KCNIP4: variants seen among roughly 807,000 people sequenced by gnomAD.
KCNIP4 encodes the protein Kv channel-interacting protein 4.
KCNIP4 carries 12 observed loss-of-function variants against 34.0 expected under a neutral mutation model. The observed-to-expected ratio is 0.35, with a 90% CI of 0.23 to 0.57. KCNIP4 has a LOEUF of 0.57. Among genes scored for constraint, KCNIP4 ranks in the 20% least tolerant of loss-of-function variants. KCNIP4 has a pLI of 0.83. For synonymous variants in KCNIP4, 124 were observed against 102.2 expected (o/e 1.21, Z -1.29); for missense variants, 238 against 311.7 (o/e 0.76, Z 1.78).
intron 3 of KCNIP4, among the ~76,000 whole-genome samples, chr4:20,761,904 C>G (rs1754989779): frequency 6.6e-6 from 1 of 152,132 alleles, no homozygotes; most frequent in Non-Finnish European, 1.5e-5. Flanking sequence ...TAGTTTACAT[C>G]TCTACAAACA....
intron 1 of KCNIP4, among the ~76,000 whole-genome samples, chr4:21,147,804 T>A (rs1054167912): frequency 6.6e-6 from 1 of 151,540 alleles, no homozygotes; most frequent in Non-Finnish European, 1.5e-5. Flanking sequence ...CCGAGCATGG[T>A]GGCAGATGCC....
intron 1 of KCNIP4, among the ~76,000 whole-genome samples, chr4:21,885,717 G>A (rs1473745303): frequency 6.6e-6 from 1 of 152,116 alleles, no homozygotes; most frequent in African/African-American, 2.4e-5. Context: ...TAGATTTTCA[G>A]ACGGAATAAT....
intron 1 of KCNIP4, among the ~76,000 whole-genome samples, chr4:20,905,505 C>CTTTTTTTTTTTTTTTTT (rs1182454951): frequency 1.6e-4 from 6 of 37,068 alleles, no homozygotes; most frequent in African/African-American, 4.4e-4. Flanking sequence ...TGAACGTTTT[C>CTTTTTTTTTTTTTTTTT]TTTCTTTTTT....
chr4:21,916,630 A>G (rs2108989841), intron 1 of KCNIP4, among the ~76,000 whole-genome samples: 1 of 152,314 alleles, frequency 6.6e-6, no homozygotes, highest in South Asian at 2.1e-4. Context: ...TTTGTCTATT[A>G]TTTTCAAAGA....
intron 1 of KCNIP4, among the ~76,000 whole-genome samples, chr4:21,113,455 T>TAAAA (rs56676152): frequency 5.9e-4 from 37 of 62,364 alleles, no homozygotes; most frequent in African/African-American, 2.1e-3. Context: ...TCTATAAGTT[T>TAAAA]AAAAAAAAAA....
At chr4:21,198,054 T>C (rs1560801543) in intron 1 of KCNIP4, among the ~76,000 whole-genome samples, 1 of 152,238 alleles carries the variant, frequency 6.6e-6, no homozygotes, top group Non-Finnish European at 1.5e-5. Flanking sequence ...GAGACCACTC[T>C]AGCCAAATAC....
At chr4:21,732,461 C>A (rs1178449720) in intron 1 of KCNIP4, among the ~76,000 whole-genome samples, 4 of 152,126 alleles carry the variant, frequency 2.6e-5, no homozygotes, top group African/African-American at 7.2e-5. Flanking sequence ...TCTGGCTAGT[C>A]TGAAGCTCTG....
intron 3 of KCNIP4, among the ~76,000 whole-genome samples, chr4:20,829,548 A>C (rs1348753144): frequency 6.6e-6 from 1 of 152,096 alleles, no homozygotes; most frequent in Non-Finnish European, 1.5e-5. Context: ...CTTTGCTTTC[A>C]GGCCACAAAA....
chr4:21,285,571 G>C (rs1164369298), intron 1 of KCNIP4, among the ~76,000 whole-genome samples: 1 of 152,134 alleles, frequency 6.6e-6, no homozygotes, highest in African/African-American at 2.4e-5. Context: ...GCTCATGCCT[G>C]TAATCCCAGC....
intron 1 of KCNIP4, among the ~76,000 whole-genome samples, chr4:21,610,267 T>C (rs9994753): frequency 0.12 from 18,396 of 152,248 alleles, 1,224 homozygotes; most frequent in African/African-American, 0.16. Context: ...GTGGGGTAGG[T>C]TACTTCTGCA....
intron 1 of KCNIP4, among the ~76,000 whole-genome samples, chr4:20,898,772 G>C (rs1269265558): frequency 6.6e-6 from 1 of 152,056 alleles, no homozygotes; most frequent in Non-Finnish European, 1.5e-5. Context: ...TATCTATATC[G>C]TATCTATCTA....
chr4:21,229,325 T>C (rs1758631683), intron 1 of KCNIP4, among the ~76,000 whole-genome samples: 1 of 152,172 alleles, frequency 6.6e-6, no homozygotes, highest in African/African-American at 2.4e-5. Context: ...TGTATTTCAT[T>C]TTGCTTGTTT....
chr4:20,850,972 C>T (rs145365939), intron 2 of KCNIP4, among the ~76,000 whole-genome samples: 347 of 152,192 alleles, frequency 2.3e-3, no homozygotes, highest in Middle Eastern at 3.4e-3. Context: ...TATATGATTA[C>T]GTCAAACAAA....
intron 1 of KCNIP4, among the ~76,000 whole-genome samples, chr4:21,402,284 G>T (rs1309934293): frequency 6.6e-6 from 1 of 152,148 alleles, no homozygotes; most frequent in Non-Finnish European, 1.5e-5. Flanking sequence ...TACACTCATG[G>T]TTGCAAATTC....
intron 2 of KCNIP4, among the ~76,000 whole-genome samples, chr4:20,855,554 T>G (rs1410188282): frequency 6.6e-6 from 1 of 152,108 alleles, no homozygotes; most frequent in Non-Finnish European, 1.5e-5. Context: ...TCCTCCTTAC[T>G]ACTCTGCCTC....
Position 20,974,303 on chromosome 4 carries a change from G to C in KCNIP4, c.62-91594C>G, listed in dbSNP as rs914862100. ...GAGAAAATGAATGAACACAAATTAA[G>C]TAATTTGAGGGACAGTGCATCAGGA... On this transcript the variant is annotated intron_variant, in intron 1 of 8. Transcript: ENST00000382152. 7.2e-5 allele frequency among the ~76,000 whole-genome samples: 11 copies of C among 152,274 alleles called. No individual in the cohort carries two copies. In the South Asian group the frequency reaches 1.9e-3, roughly 26 times the overall value.
intron 3 of KCNIP4, among the ~76,000 whole-genome samples, chr4:20,789,857 G>A (rs550186049): frequency 6.6e-6 from 1 of 151,888 alleles, no homozygotes; most frequent in South Asian, 2.1e-4. Flanking sequence ...GTTGTATTTA[G>A]TTCCTATATA....
intron 1 of KCNIP4, among the ~76,000 whole-genome samples, chr4:21,667,921 T>C (rs1749129068): frequency 6.6e-6 from 1 of 152,212 alleles, no homozygotes; most frequent in African/African-American, 2.4e-5. Context: ...CTAGTTTGTG[T>C]GTACCTTGGT....
intron 1 of KCNIP4, among the ~76,000 whole-genome samples, chr4:21,243,363 AATG>A (rs1759988784): frequency 6.6e-6 from 1 of 152,206 alleles, no homozygotes; most frequent in African/African-American, 2.4e-5. Flanking sequence ...TAAAGATAGA[AATG>A]ATGAAACAAA....
Sources: gnomAD v4.1 joint callset for allele counts (sites outside exome capture counted in the v4.1 genomes callset) on GRCh38, gnomAD v4.1.1 for gene constraint, MANE v1.5 for transcripts, NCBI Gene and HGNC (gene_info 2026-07-23, HGNC 2026-07-21) for gene names.